Variants in SWAP70 observed in about 807,000 individuals in gnomAD.
SWAP70 encodes switch-associated protein 70.
Under a neutral mutation model 80.2 loss-of-function variants are expected in SWAP70, and 34 were observed. That is an observed-to-expected ratio of 0.42 (90% confidence interval 0.32 to 0.56). The LOEUF is 0.56. Ranked by LOEUF, SWAP70 falls within the 20% of genes least tolerant of loss-of-function variation. The pLI, the probability that SWAP70 is intolerant of heterozygous loss-of-function variation, is 0.09. For missense variants in SWAP70, 578 were observed against 690.7 expected, an observed-to-expected ratio of 0.84 and a Z score of 1.83; for synonymous variants, 239 against 238.5, an observed-to-expected ratio of 1.00 and a Z score of -0.02.
chr11:9,718,767 G>A (rs1389687195), intron 3 of SWAP70, among the ~76,000 whole-genome samples: 1 of 147,094 alleles, frequency 6.8e-6, no homozygotes, highest in African/African-American at 2.5e-5. Flanking sequence ...TTTGTTTAGA[G>A]TGTTTTTTAA....
At chr11:9,706,838 C>A (rs1044491622) in intron 2 of SWAP70, among the ~76,000 whole-genome samples, 2 of 151,954 alleles carry the variant, frequency 1.3e-5, no homozygotes, top group South Asian at 4.2e-4. Flanking sequence ...TTTCTTGTTA[C>A]AGCTGTGTAT....
chr11:9,714,960 C>T (rs1851047258), intron 3 of SWAP70, among the ~76,000 whole-genome samples: 1 of 148,258 alleles, frequency 6.7e-6, no homozygotes, highest in South Asian at 2.1e-4. Context: ...GTGCCTGCCA[C>T]CACACCTGCC....
intron 1 of SWAP70, among the ~76,000 whole-genome samples, chr11:9,687,468 C>CT (rs1421316172): frequency 6.6e-6 from 1 of 151,986 alleles, no homozygotes; most frequent in African/African-American, 2.4e-5. Flanking sequence ...AGCTATTTGC[C>CT]TTTTTTGTTT....
At chr11:9,680,446 G>T (rs182403490) in intron 1 of SWAP70, among the ~76,000 whole-genome samples, 1 of 152,012 alleles carries the variant, frequency 6.6e-6, no homozygotes, top group East Asian at 1.9e-4. Context: ...ATGGAGTTTC[G>T]CTCTTGTCAC....
At chr11:9,745,026 C>G (rs868471686) in intron 9 of SWAP70, among the ~76,000 whole-genome samples, 11 of 152,248 alleles carry the variant, frequency 7.2e-5, no homozygotes, top group Non-Finnish European at 1.3e-4. Context: ...GTCTGTATTC[C>G]CAGCAACTCG....
chr11:9,708,920 G>A (rs1395327910), intron 2 of SWAP70, among the ~76,000 whole-genome samples: 1 of 152,140 alleles, frequency 6.6e-6, no homozygotes, highest in Admixed American at 6.5e-5. Flanking sequence ...ATTTGAGACA[G>A]AGTTGCGCTC....
chr11:9,672,625 A>G (rs1850433997), intron 1 of SWAP70, among the ~76,000 whole-genome samples: 1 of 140,060 alleles, frequency 7.1e-6, no homozygotes, highest in Non-Finnish European at 1.5e-5. Context: ...CCATCCACCT[A>G]CAAGTGTTAG....
chr11:9,728,232 C>A, intron 5 of SWAP70, 33 bp downstream of exon 5: 1 of 1,539,462 alleles, frequency 6.5e-7, no homozygotes, highest in Non-Finnish European at 8.7e-7. Context: ...GCATGATTAC[C>A]CCGTGCTGCC....
intron 7 of SWAP70, among the ~76,000 whole-genome samples, chr11:9,733,859 G>A (rs765644720): frequency 3.3e-5 from 5 of 152,064 alleles, no homozygotes; most frequent in East Asian, 1.9e-4. Flanking sequence ...AAAATAGCTC[G>A]TACCTGTAGA....
chr11:9,724,652 A>T lies in SWAP70; in HGVS notation c.415-6A>T, dbSNP rs759121780. ...AGGAAATAATTATTTCACATTCTTT[A>T]TGTAGATTGAATACCTGCTTAAGAA... On this transcript the variant is annotated splice_region_variant and splice_polypyrimidine_tract_variant and intron_variant, in intron 3 of 11. Transcript: ENST00000318950. 1 of 1,597,014 alleles carries T rather than the reference A, an allele frequency of 6.3e-7. No homozygotes were observed. Among genetic ancestry groups the T allele is most frequent in the Non-Finnish European group, 8.6e-7 (1 of 1,168,810 alleles).
rs1463441776 is a variant in SWAP70, at chr11:9,750,699, C to T, written c.*729C>T. 1.3e-5 allele frequency: 2 copies of T among 152,278 alleles called. No homozygotes were observed. Among genetic ancestry groups the T allele is most frequent in the African/African-American group, 4.8e-5 (2 of 41,454 alleles). 9.4% of individuals were successfully genotyped at this position (152,278 alleles called of 1,614,324 possible). A position where few individuals can be genotyped will look rare whatever the true frequency, so the allele number is the denominator to read the frequency against. ...GCTCTTTCCTTTGGCAGCGTGTTTC[C>T]TTTTCCGAGTATGTGCTGTTAAACT... On this transcript the variant is annotated 3_prime_UTR_variant, in exon 12 of 12. Coordinates refer to ENST00000318950, the MANE Select transcript of SWAP70 (RefSeq NM_015055.4).
chr11:9,666,986 G>A (rs1179884270), intron 1 of SWAP70, among the ~76,000 whole-genome samples: 2 of 152,060 alleles, frequency 1.3e-5, no homozygotes, highest in Non-Finnish European at 2.9e-5. Flanking sequence ...GCCCTGCAAA[G>A]TGCTGGGACT....
chr11:9,695,404 A>G (rs1850743100), intron 2 of SWAP70, among the ~76,000 whole-genome samples: 1 of 152,198 alleles, frequency 6.6e-6, no homozygotes, highest in Non-Finnish European at 1.5e-5. Flanking sequence ...GATAAAGAAA[A>G]TGTGGTACAT....
Position 9,664,194 on chromosome 11 carries a change from G to A in SWAP70, c.15G>A (p.Lys5=), listed in dbSNP as rs141890670. 9.9e-5 allele frequency: 157 copies of A among 1,585,356 alleles called. No individual in the cohort carries two copies. In the African/African-American group the frequency reaches 1.9e-3, roughly 19 times the overall value. Residue 5 remains lysine (K), a synonymous_variant, in exon 1 of 12, where the codon AAG becomes AAA. Transcript: ENST00000318950. MGSL[K]EELLKAIWHA... ...GGGCCGCGGCCATGGGGAGCTTGAAGGAGGAGCTGCTCAAAGCCATCTGGC... is the reference window on the plus strand; with the variant it reads ...GGGCCGCGGCCATGGGGAGCTTGAAAGAGGAGCTGCTCAAAGCCATCTGGC...
intron 10 of SWAP70, among the ~76,000 whole-genome samples, chr11:9,748,310 G>A (rs1433781178): frequency 4.6e-5 from 7 of 152,242 alleles, no homozygotes; most frequent in Non-Finnish European, 1.0e-4. Flanking sequence ...ATTACCTACT[G>A]TGTTGTAAAG....
At chr11:9,683,030 T>A (rs549948331) in intron 1 of SWAP70, among the ~76,000 whole-genome samples, 1 of 152,284 alleles carries the variant, frequency 6.6e-6, no homozygotes, top group East Asian at 1.9e-4. Flanking sequence ...AAATTGATCT[T>A]TGGGAAATGA....
intron 1 of SWAP70, among the ~76,000 whole-genome samples, chr11:9,671,117 ATATAT>A (rs1371025651): frequency 9.6e-5 from 13 of 136,060 alleles, no homozygotes; most frequent in African/African-American, 3.4e-4. Context: ...ATATAAAAAT[ATATAT>A]AAATATATTT....
chr11:9,729,867 C>T (rs1250376860), intron 6 of SWAP70, among the ~76,000 whole-genome samples: 1 of 152,190 alleles, frequency 6.6e-6, no homozygotes, highest in African/African-American at 2.4e-5. Context: ...TTATTTTCTG[C>T]ATGTGATACA....
At position 9,728,331 on chromosome 11, in the gene SWAP70, A is replaced by G. The variant is rs187364323; in HGVS notation, c.789+132A>G. 102 of 1,042,302 alleles carry G rather than the reference A, an allele frequency of 9.8e-5. No individual in the cohort carries two copies. The African/African-American group carries it at 1.5e-3, about 15-fold the overall frequency. The allele number at this position is 1,042,302 out of a possible 1,614,324, so 64.6% of individuals were successfully genotyped here. On this transcript the variant is annotated intron_variant, in intron 5 of 11. Transcript: ENST00000318950. ...CAAATTTACATTTCCAAAATAATAT[A>G]GGCATGCAGTTGCCATGGTTTCTGA...
Sources: gnomAD v4.1 joint callset for allele counts (sites outside exome capture counted in the v4.1 genomes callset) on GRCh38, gnomAD v4.1.1 for gene constraint, MANE v1.5 for transcripts, NCBI Gene and HGNC (gene_info 2026-07-23, HGNC 2026-07-21) for gene names.